Variants in FHOD3 observed in about 807,000 individuals in gnomAD.
The protein encoded by FHOD3 is FH1/FH2 domain-containing protein 3.
Under a neutral mutation model 173.0 loss-of-function variants are expected in FHOD3, and 90 were observed. The observed-to-expected ratio is 0.52, with a 90% CI of 0.44 to 0.62. The LOEUF (loss-of-function observed/expected upper bound fraction) is 0.62. Among genes scored for constraint, FHOD3 ranks in the 20% least tolerant of loss-of-function variants. FHOD3 has a pLI of 0.00. For missense variants in FHOD3, 1,945 were observed against 2,034.7 expected, an observed-to-expected ratio of 0.96 and a Z score of 0.85; for synonymous variants, 828 against 823.0, an observed-to-expected ratio of 1.01 and a Z score of -0.10.
At chr18:36,549,624 G>A (rs1340706420) in intron 5 of FHOD3, among the ~76,000 whole-genome samples, 1 of 126,592 alleles carries the variant, frequency 7.9e-6, no homozygotes, top group African/African-American at 3.1e-5. Flanking sequence ...TGCAACCTCT[G>A]CCTCCCAGGT....
chr18:36,746,620 G>A (rs1366776113), intron 23 of FHOD3, among the ~76,000 whole-genome samples: 4 of 151,866 alleles, frequency 2.6e-5, no homozygotes, highest in Admixed American at 6.6e-5. Context: ...AAAAATTTAT[G>A]AGACATCTTC....
chr18:36,634,880 C>G (rs1479054126), intron 10 of FHOD3, among the ~76,000 whole-genome samples: 2 of 152,176 alleles, frequency 1.3e-5, no homozygotes, highest in African/African-American at 4.8e-5. Flanking sequence ...ATTTTGTGCA[C>G]CCGCATAAAC....
chr18:36,583,608 G>A (rs914990807), intron 6 of FHOD3, among the ~76,000 whole-genome samples: 4 of 151,946 alleles, frequency 2.6e-5, no homozygotes, highest in African/African-American at 7.3e-5. Flanking sequence ...GCTGTGCACC[G>A]CTAGGCCTGC....
At chr18:36,376,199 T>C (rs1361540230) in intron 3 of FHOD3, among the ~76,000 whole-genome samples, 3 of 152,178 alleles carry the variant, frequency 2.0e-5, no homozygotes, top group Non-Finnish European at 2.9e-5. Flanking sequence ...AGGAATGGAA[T>C]CTAGGACTTA....
At chr18:36,689,092 A>G (rs1225401542) in intron 16 of FHOD3, among the ~76,000 whole-genome samples, 1 of 152,090 alleles carries the variant, frequency 6.6e-6, no homozygotes, top group Non-Finnish European at 1.5e-5. Flanking sequence ...TGGCTCAGCC[A>G]TTTTTCTTGT....
At chr18:36,437,191 C>T (rs987891563) in intron 3 of FHOD3, among the ~76,000 whole-genome samples, 4 of 152,028 alleles carry the variant, frequency 2.6e-5, no homozygotes, top group Non-Finnish European at 5.9e-5. Context: ...CTTCTTGGCT[C>T]GCTGCATCCT....
chr18:36,575,352 T>C (rs1359600552), intron 5 of FHOD3, among the ~76,000 whole-genome samples: 2 of 152,232 alleles, frequency 1.3e-5, no homozygotes, highest in Admixed American at 1.3e-4. Context: ...TACTTAGAAT[T>C]TGTGTTTACT....
At chr18:36,567,247 C>G (rs994579774) in intron 5 of FHOD3, among the ~76,000 whole-genome samples, 5 of 151,926 alleles carry the variant, frequency 3.3e-5, no homozygotes, top group South Asian at 4.2e-4. Context: ...AAAGGGCTAC[C>G]AGTTTTAAAA....
intron 10 of FHOD3, among the ~76,000 whole-genome samples, chr18:36,643,467 G>A (rs922282914): frequency 6.6e-6 from 1 of 151,974 alleles, no homozygotes; most frequent in South Asian, 2.1e-4. Flanking sequence ...GTGCAGAATC[G>A]CTGCCCTAGG....
chr18:36,606,956 C>A (rs927949866), intron 8 of FHOD3, among the ~76,000 whole-genome samples: 3 of 152,262 alleles, frequency 2.0e-5, no homozygotes, highest in Admixed American at 1.3e-4. Flanking sequence ...GCCCACAAGG[C>A]CTCAGGCAAC....
chr18:36,467,977 G>T (rs1376284517), intron 3 of FHOD3, among the ~76,000 whole-genome samples: 3 of 152,268 alleles, frequency 2.0e-5, no homozygotes, highest in African/African-American at 7.2e-5. Flanking sequence ...GATTTGCACA[G>T]TCTGAAGGCA....
intron 17 of FHOD3, among the ~76,000 whole-genome samples, chr18:36,705,343 C>T (rs1165015492): frequency 6.6e-6 from 1 of 152,216 alleles, no homozygotes; most frequent in Non-Finnish European, 1.5e-5. Flanking sequence ...AGGGCATTCT[C>T]AGCATTTCCC....
At chr18:36,312,460 C>T (rs1463816578) in intron 1 of FHOD3, among the ~76,000 whole-genome samples, 8 of 152,122 alleles carry the variant, frequency 5.3e-5, no homozygotes, top group Admixed American at 2.0e-4. Flanking sequence ...TCGTCCTGGA[C>T]GTCCCAACAG....
intron 3 of FHOD3, among the ~76,000 whole-genome samples, chr18:36,430,153 A>C (rs555322221): frequency 6.6e-6 from 1 of 152,238 alleles, no homozygotes; most frequent in Non-Finnish European, 1.5e-5. Context: ...TTAATGATCT[A>C]AATTACAGGT....
intron 24 of FHOD3, among the ~76,000 whole-genome samples, chr18:36,751,422 CA>C (rs1281187074): frequency 6.6e-6 from 1 of 152,182 alleles, no homozygotes; most frequent in African/African-American, 2.4e-5. Flanking sequence ...CATTTGCAAA[CA>C]AAGATAGTTT....
In FHOD3 at chr18:36,297,720, C is replaced by G; in HGVS notation, c.-116C>G. The G allele has an allele frequency of 8.6e-6, 6 of 694,742 alleles. No individual in the cohort carries two copies. The highest frequency in any genetic ancestry group is 9.4e-6 in the Non-Finnish European group (5 of 530,106). 43.0% of individuals were successfully genotyped at this position (694,742 alleles called of 1,614,324 possible). A position where few individuals can be genotyped will look rare whatever the true frequency, so the allele number is the denominator to read the frequency against. On this transcript the variant is annotated 5_prime_UTR_variant, in exon 1 of 29. Coordinates refer to ENST00000590592, the MANE Select transcript of FHOD3 (RefSeq NM_001281740.3). Reference sequence around the variant, plus strand: ...CTGCAGCCCGGCGCGCCTGAGCCTGCGAGTCCGCGAGCCAGCGAGCTGCGG... The same window carrying G: ...CTGCAGCCCGGCGCGCCTGAGCCTGGGAGTCCGCGAGCCAGCGAGCTGCGG...
chr18:36,483,330 G>A (rs1426137950), intron 3 of FHOD3, among the ~76,000 whole-genome samples: 2 of 152,182 alleles, frequency 1.3e-5, no homozygotes, highest in Non-Finnish European at 2.9e-5. Flanking sequence ...GGACGGCAAA[G>A]CTCCCAGGCA....
At chr18:36,314,510 A>G (rs899481354) in intron 1 of FHOD3, among the ~76,000 whole-genome samples, 1 of 152,238 alleles carries the variant, frequency 6.6e-6, no homozygotes, top group East Asian at 1.9e-4. Flanking sequence ...TCTCTGTCAC[A>G]TCAGAGAATA....
intron 20 of FHOD3, among the ~76,000 whole-genome samples, chr18:36,733,045 C>G (rs568250270): frequency 7.9e-5 from 12 of 152,242 alleles, no homozygotes; most frequent in Non-Finnish European, 1.6e-4. Context: ...TTAACATTGC[C>G]GACCTCCCAG....
Sources: gnomAD v4.1 joint callset for allele counts (sites outside exome capture counted in the v4.1 genomes callset) on GRCh38, gnomAD v4.1.1 for gene constraint, MANE v1.5 for transcripts, NCBI Gene and HGNC (gene_info 2026-07-23, HGNC 2026-07-21) for gene names.